CNTN4: variants seen among roughly 807,000 people sequenced by gnomAD.
CNTN4 encodes contactin 4, also known as contactin-4.
A neutral mutation model predicts 122.5 loss-of-function variants in CNTN4; 77 were observed. The observed-to-expected ratio is 0.63, with a 90% CI of 0.52 to 0.76. The LOEUF is 0.76. Ranked by LOEUF, CNTN4 falls within the 30% of genes least tolerant of loss-of-function variation. The pLI is 0.00. For missense variants in CNTN4, 1,256 were observed against 1,259.1 expected (o/e 1.00, Z 0.04); for synonymous variants, 512 against 447.0 (o/e 1.15, Z -1.83).
At chr3:2,387,049 G>T (rs1010456467) in intron 3 of CNTN4, among the ~76,000 whole-genome samples, 1 of 152,064 alleles carries the variant, frequency 6.6e-6, no homozygotes, top group Non-Finnish European at 1.5e-5. Flanking sequence ...ACCATAAGTC[G>T]TGTGACTTCC....
rs137857273 is a variant in CNTN4, at chr3:3,044,424, C to T, written c.2811+720C>T. ...GGAATAACTAAGATGCTTCTTCACA[C>T]ACTTTTGGCTTCTTGGATGGGATAG... is the stretch of plus-strand genomic sequence containing the variant. On this transcript the variant is annotated intron_variant, in intron 23 of 24. Transcript: ENST00000418658. Among the ~76,000 whole-genome samples, 113 of 152,322 alleles carry T rather than the reference C, an allele frequency of 7.4e-4. 1 individual carries two copies. The highest frequency in any genetic ancestry group is 2.7e-3 in the African/African-American group (111 of 41,572).
At chr3:2,903,125 A>T in intron 12 of CNTN4, 120 bp downstream of exon 12, 1 of 945,600 alleles carries the variant, frequency 1.1e-6, no homozygotes, top group Non-Finnish European at 1.6e-6. Flanking sequence ...CTTTAGGCCA[A>T]AGATGCTACT....
Position 2,745,705 on chromosome 3 carries a change from G to A in CNTN4, c.358+8G>A, listed in dbSNP as rs755961589. On this transcript the variant is annotated splice_region_variant and intron_variant, in intron 6 of 24. Transcript: ENST00000418658. ...CAAAGCTTCAGTTTGCTTGTAAGTA[G>A]CAATTATACAATGCTGCAAATGTTG... 1.2e-6 allele frequency: 2 copies of A among 1,613,238 alleles called. No homozygotes were observed. The highest frequency in any genetic ancestry group is 1.7e-6 in the Non-Finnish European group (2 of 1,179,334).
intron 2 of CNTN4, among the ~76,000 whole-genome samples, chr3:2,253,785 G>A (rs138706213): frequency 8.0e-4 from 122 of 152,102 alleles, no homozygotes; most frequent in African/African-American, 2.7e-3. Flanking sequence ...GGTATTACTG[G>A]CATGAGCCAC....
chr3:3,031,587 C>CA (rs1406846591), intron 16 of CNTN4, among the ~76,000 whole-genome samples: 4 of 151,710 alleles, frequency 2.6e-5, no homozygotes, highest in Admixed American at 2.0e-4. Flanking sequence ...GAGCTATGAC[C>CA]CCCCCGGCTG....
At position 2,900,784 on chromosome 3, in the gene CNTN4, A is replaced by G; in HGVS notation, c.1040A>G (p.Tyr347Cys). ...GCAAATGGAAGGCCTAAGCCTACAT[A>G]CAAGTGGCTAAAAAATGGCGAACCT... ...CKANGRPKPT[Y>C]KWLKNGEPLL... Residue 347 changes from tyrosine (Y) to cysteine (C), a missense_variant, in exon 11 of 25, where the codon TAC (tyrosine) becomes TGC (cysteine). Transcript: ENST00000418658. 1 of 1,614,012 alleles carries G rather than the reference A, an allele frequency of 6.2e-7. No individual in the cohort carries two copies. Among genetic ancestry groups the G allele is most frequent in the Non-Finnish European group, 8.5e-7 (1 of 1,179,836 alleles).
rs550005537 is a variant in CNTN4, at chr3:2,122,554, C to G, written c.-145+21915C>G. Among the ~76,000 whole-genome samples the G allele has an allele frequency of 5.9e-5, 9 of 152,242 alleles. No individual in the cohort carries two copies. In the South Asian group the frequency reaches 1.7e-3, roughly 28 times the overall value. The stretch of plus-strand genomic sequence containing the variant: ...AATTTATGTTCTTTACAGACTCTTG[C>G]TATGATAAACAATATCTTTGTAAAC... On this transcript the variant is annotated intron_variant, in intron 2 of 24. Coordinates refer to ENST00000418658, the MANE Select transcript of CNTN4 (RefSeq NM_175607.3).
chr3:2,772,681 ACCTTATCT>A (rs2091155983), intron 6 of CNTN4, among the ~76,000 whole-genome samples: 1 of 152,222 alleles, frequency 6.6e-6, no homozygotes, highest in East Asian at 1.9e-4. Context: ...ATGTAAAGTC[ACCTTATCT>A]GTAGGATACT....
chr3:2,793,307 T>C (rs1224428341), intron 6 of CNTN4, among the ~76,000 whole-genome samples: 1 of 152,094 alleles, frequency 6.6e-6, no homozygotes, highest in Non-Finnish European at 1.5e-5. Flanking sequence ...TATTAATCTT[T>C]CTTATTAACT....
At chr3:2,769,108 T>A (rs1334289178) in intron 6 of CNTN4, among the ~76,000 whole-genome samples, 5 of 152,180 alleles carry the variant, frequency 3.3e-5, no homozygotes, top group Non-Finnish European at 7.3e-5. Context: ...CTTCAAATGC[T>A]GGTTCCCAAA....
At chr3:2,408,051 G>T (rs1442598458) in intron 3 of CNTN4, among the ~76,000 whole-genome samples, 1 of 152,174 alleles carries the variant, frequency 6.6e-6, no homozygotes, top group Non-Finnish European at 1.5e-5. Flanking sequence ...GTTTTAAGAA[G>T]AAAGTATCTG....
chr3:2,601,952 A>G (rs569320926), intron 4 of CNTN4, among the ~76,000 whole-genome samples: 2 of 152,312 alleles, frequency 1.3e-5, no homozygotes, highest in African/African-American at 4.8e-5. Context: ...GCAAATCAAT[A>G]AACGTAATCC....
chr3:2,257,770 A>G (rs938694901), intron 2 of CNTN4, among the ~76,000 whole-genome samples: 20 of 152,190 alleles, frequency 1.3e-4, no homozygotes, highest in African/African-American at 4.8e-4. Flanking sequence ...ATCATTAAAA[A>G]GTTAGGAAAT....
At chr3:2,983,370 A>C (rs1381076654) in intron 13 of CNTN4, among the ~76,000 whole-genome samples, 2 of 151,874 alleles carry the variant, frequency 1.3e-5, no homozygotes, top group Non-Finnish European at 2.9e-5. Flanking sequence ...GTGAGGCATC[A>C]TAATGTGTTG....
At chr3:2,827,093 C>T (rs1247949329) in intron 7 of CNTN4, among the ~76,000 whole-genome samples, 1 of 152,150 alleles carries the variant, frequency 6.6e-6, no homozygotes, top group Admixed American at 6.5e-5. Flanking sequence ...TATCAGACCT[C>T]CTTGGCTATT....
chr3:2,976,869 T>TC (rs1693465764), intron 13 of CNTN4, among the ~76,000 whole-genome samples: 1 of 148,752 alleles, frequency 6.7e-6, no homozygotes, highest in Admixed American at 6.7e-5. Context: ...AAACAAGTCT[T>TC]TTTTTTTTTT....
chr3:2,198,375 G>GT lies in CNTN4; in HGVS notation c.-145+97739dup, dbSNP rs1435042081. Among the ~76,000 whole-genome samples the GT allele has an allele frequency of 2.6e-5, 4 of 152,210 alleles. No individual in the cohort carries two copies. In the South Asian group the frequency reaches 8.3e-4, roughly 32 times the overall value. On this transcript the variant is annotated intron_variant, in intron 2 of 24. Coordinates refer to ENST00000418658, the MANE Select transcript of CNTN4 (RefSeq NM_175607.3). ...AATTCAAACTGTTGTCAGCTTTCAA[G>GT]TTTGTATTATGCTGTTTCCTAGCAG...
chr3:2,248,585 T>C (rs972072154), intron 2 of CNTN4, among the ~76,000 whole-genome samples: 1 of 151,992 alleles, frequency 6.6e-6, no homozygotes, highest in Non-Finnish European at 1.5e-5. Flanking sequence ...TTTGTATCCA[T>C]TGGGTAAACA....
chr3:2,640,156 T>C (rs2082838765), intron 4 of CNTN4, among the ~76,000 whole-genome samples: 1 of 152,216 alleles, frequency 6.6e-6, no homozygotes, highest in Non-Finnish European at 1.5e-5. Flanking sequence ...ATGCAAGCTT[T>C]GTAAGCTCTC....
Sources: allele counts gnomAD v4.1 joint callset (sites outside exome capture counted in the v4.1 genomes callset), GRCh38; gene constraint gnomAD v4.1.1; transcripts MANE v1.5; gene names NCBI Gene and HGNC (gene_info 2026-07-23, HGNC 2026-07-21).